The following MTURN variants were observed in gnomAD, a reference collection of about 807,000 sequenced individuals.
MTURN encodes maturin.
MTURN carries 7 observed loss-of-function variants against 14.9 expected under a neutral mutation model. The observed-to-expected ratio is 0.47, with a 90% CI of 0.27 to 0.88. The LOEUF (loss-of-function observed/expected upper bound fraction) is 0.88. Ranked by LOEUF, MTURN falls within the 40% of genes least tolerant of loss-of-function variation. The pLI, the probability that MTURN is intolerant of heterozygous loss-of-function variation, is 0.14. For synonymous variants in MTURN, 69 were observed against 72.5 expected (o/e 0.95, Z 0.25); for missense variants, 151 against 174.1 (o/e 0.87, Z 0.75).
rs1278988242 is a variant in MTURN at position 30,159,087 on chromosome 7, A to C, written c.*1539A>C. On this transcript the variant is annotated 3_prime_UTR_variant, in exon 3 of 3. Coordinates refer to ENST00000324453, the MANE Select transcript of MTURN (RefSeq NM_152793.3). ...GGTAAAACAGCGTACTCCAGTTTTA[A>C]GTCATCGGGTAAAATAATAGGACAG... 6.6e-6 allele frequency: 1 copy of C among 152,238 alleles called. No homozygotes were observed. The highest frequency in any genetic ancestry group is 6.5e-5 in the Admixed American group (1 of 15,288). The allele number at this position is 152,238 out of a possible 1,614,324, so 9.4% of individuals were successfully genotyped here. A position where few individuals can be genotyped will look rare whatever the true frequency, so the allele number is the denominator to read the frequency against.
At chr7:30,136,308 G>T (rs1402315696) in intron 1 of MTURN, among the ~76,000 whole-genome samples, 7 of 152,160 alleles carry the variant, frequency 4.6e-5, no homozygotes, top group Non-Finnish European at 1.0e-4. Context: ...GGGGAGTCGG[G>T]GTGGGAGGGG....
At chr7:30,153,025 A>G (rs1355500039) in intron 2 of MTURN, among the ~76,000 whole-genome samples, 1 of 152,236 alleles carries the variant, frequency 6.6e-6, no homozygotes, top group Non-Finnish European at 1.5e-5. Flanking sequence ...AGCTGAAAAA[A>G]AATTCACTGA....
chr7:30,144,982 C>T (rs1250585045), intron 1 of MTURN, among the ~76,000 whole-genome samples: 1 of 147,552 alleles, frequency 6.8e-6, no homozygotes, highest in Non-Finnish European at 1.5e-5. Context: ...GGATCCGTCC[C>T]CACTAAAGAG....
Position 30,146,256 on chromosome 7 carries a change from C to A in MTURN, c.242C>A (p.Thr81Lys), listed in dbSNP as rs781564824. 2 of 1,613,964 alleles carry A rather than the reference C, an allele frequency of 1.2e-6. No individual in the cohort carries two copies. Among genetic ancestry groups the A allele is most frequent in the South Asian group, 2.2e-5 (2 of 91,092 alleles). The change falls in exon 2 of 3, where the codon ACG (threonine) becomes AAG (lysine). Residue 81 changes from threonine to lysine, a missense_variant. Physicochemically the swap from Thr to Lys is moderately conservative, Grantham distance 78 (BLOSUM62 -1). Transcript: ENST00000324453. Reference sequence around the variant, plus strand: ...TACATCTCCTCCTGCGGCAAGAAGACGCTCCACGAAGTCCTGGAAAAAGTC... The same window carrying A: ...TACATCTCCTCCTGCGGCAAGAAGAAGCTCCACGAAGTCCTGGAAAAAGTC... ...QDYISSCGKK[T>K]LHEVLEKVFK...
chr7:30,137,497 A>G (rs1452217117), intron 1 of MTURN: 1 of 423,154 alleles, frequency 2.4e-6, no homozygotes, highest in Non-Finnish European at 4.9e-6. Flanking sequence ...ATATTTTCCC[A>G]TCTGCATGAG....
At position 30,146,306 on chromosome 7, in the gene MTURN, G is replaced by A. The variant is rs759499103; in HGVS notation, c.285+7G>A. ...CTTCAAGTCTTTCAGACCTGTAGGT[G>A]CCTGCTTGGCTTCTCACCACAGCTT... On this transcript the variant is annotated splice_region_variant and intron_variant, in intron 2 of 2. Transcript: ENST00000324453. 6.2e-7 allele frequency: 1 copy of A among 1,613,706 alleles called. No homozygotes were observed.
intron 1 of MTURN, chr7:30,137,368 G>A (rs1796980544): frequency 9.4e-6 from 3 of 319,844 alleles, no homozygotes; most frequent in South Asian, 5.3e-5. Context: ...CAGTAAGTGG[G>A]CCAGGAAGAC....
chr7:30,142,177 G>A (rs1372599963), intron 1 of MTURN, among the ~76,000 whole-genome samples: 2 of 152,194 alleles, frequency 1.3e-5, no homozygotes, highest in South Asian at 2.1e-4. Flanking sequence ...CCTATTTGCA[G>A]GTGACATAGT....
Position 30,135,070 on chromosome 7 carries a change from C to G in MTURN, c.-67C>G. The G allele has an allele frequency of 8.1e-7, 1 of 1,233,318 alleles. No individual in the cohort carries two copies. The highest frequency in any genetic ancestry group is 2.2e-5 in the South Asian group (1 of 46,154). The allele number at this position is 1,233,318 out of a possible 1,614,324, so 76.4% of individuals were successfully genotyped here. ...CAGGCCGAGCCGAGCGCCGCGCTGC[C>G]CGCCCGGGAGGAGGGCGCCTAGGAG... On this transcript the variant is annotated 5_prime_UTR_variant, in exon 1 of 3. Coordinates refer to ENST00000324453, the MANE Select transcript of MTURN (RefSeq NM_152793.3).
Position 30,159,501 on chromosome 7 carries a change from T to C in MTURN, c.*1953T>C, listed in dbSNP as rs1260591714. 1 of 152,648 alleles carries C rather than the reference T, an allele frequency of 6.6e-6. No individual in the cohort carries two copies. Among genetic ancestry groups the C allele is most frequent in the Non-Finnish European group, 1.5e-5 (1 of 68,042 alleles). 9.5% of individuals were successfully genotyped at this position (152,648 alleles called of 1,614,324 possible). ...AATTTATGTATGTTTGGAAATGGAA[T>C]GGACATTAACATAAAATGTATTTTA... is the stretch of plus-strand genomic sequence containing the variant. On this transcript the variant is annotated 3_prime_UTR_variant, in exon 3 of 3. Coordinates refer to ENST00000324453, the MANE Select transcript of MTURN (RefSeq NM_152793.3).
Position 30,157,434 on chromosome 7 carries a change from G to A in MTURN, c.286-4G>A. 1 of 1,591,020 alleles carries A rather than the reference G, an allele frequency of 6.3e-7. No individual in the cohort carries two copies. The highest frequency in any genetic ancestry group is 1.1e-5 in the South Asian group (1 of 87,714). On this transcript the variant is annotated splice_polypyrimidine_tract_variant and splice_region_variant and intron_variant, in intron 2 of 2. Transcript: ENST00000324453. The stretch of plus-strand genomic sequence containing the variant: ...GCTGCTTTTCTCTTGTTCTCTCCCT[G>A]TAGTTACTGGGGCTTCCGGATGCAG...
At chr7:30,148,867 C>T (rs1797166227) in intron 2 of MTURN, among the ~76,000 whole-genome samples, 1 of 152,172 alleles carries the variant, frequency 6.6e-6, no homozygotes, top group Non-Finnish European at 1.5e-5. Flanking sequence ...GAAGGGAGAT[C>T]ACATTAGGCA....
Position 30,161,168 on chromosome 7 carries a change from T to A in MTURN, c.*3620T>A, listed in dbSNP as rs1461366360. On this transcript the variant is annotated 3_prime_UTR_variant, in exon 3 of 3. Transcript: ENST00000324453. ...GGCTTTGCATGTTAAAATTCACAAG[T>A]TGGGAAACTGGTATGAACAGATCTG... The A allele has an allele frequency of 6.6e-6, 1 of 152,578 alleles. No homozygotes were observed. Among genetic ancestry groups the A allele is most frequent in the Non-Finnish European group, 1.5e-5 (1 of 68,032 alleles). The allele number at this position is 152,578 out of a possible 1,614,324, so 9.5% of individuals were successfully genotyped here. A position where few individuals can be genotyped will look rare whatever the true frequency, so the allele number is the denominator to read the frequency against.
At chr7:30,149,015 G>A (rs1166535495) in intron 2 of MTURN, among the ~76,000 whole-genome samples, 1 of 152,144 alleles carries the variant, frequency 6.6e-6, no homozygotes, top group Admixed American at 6.5e-5. Context: ...GGTGTCGTCT[G>A]TGGTGGCAGG....
At chr7:30,143,585 G>A (rs899986941) in intron 1 of MTURN, among the ~76,000 whole-genome samples, 17 of 152,156 alleles carry the variant, frequency 1.1e-4, no homozygotes, top group African/African-American at 4.1e-4. Flanking sequence ...ACTCTATCAT[G>A]TGGACAAGGA....
intron 1 of MTURN, among the ~76,000 whole-genome samples, chr7:30,136,073 C>A (rs773964981): frequency 2.3e-4 from 35 of 152,242 alleles, no homozygotes; most frequent in Non-Finnish European, 4.4e-4. Context: ...CGCTGCCTCT[C>A]TGAGCTGCCC....
intron 2 of MTURN, among the ~76,000 whole-genome samples, chr7:30,147,475 G>GGTGTGGGCCT (rs1797146185): frequency 1.3e-5 from 2 of 152,172 alleles, no homozygotes; most frequent in African/African-American, 4.8e-5. Flanking sequence ...TCGTTCTGAG[G>GGTGTGGGCCT]GTGTGGGCCT....
intron 1 of MTURN, chr7:30,137,824 A>C (rs1213050876): frequency 5.5e-6 from 2 of 362,632 alleles, no homozygotes; most frequent in Non-Finnish European, 1.1e-5. Flanking sequence ...AGGACTTAGC[A>C]ATAAGAATGT....
chr7:30,157,339 T>TTAAG (rs1797302597), intron 2 of MTURN, 99 bp from the exon 3 acceptor site: 1 of 930,068 alleles, frequency 1.1e-6, no homozygotes, highest in East Asian at 3.0e-5. Context: ...AGCTGCTGGG[T>TTAAG]TAAGTACTCT....
Sources: gnomAD v4.1 joint callset for allele counts (sites outside exome capture counted in the v4.1 genomes callset) on GRCh38, gnomAD v4.1.1 for gene constraint, MANE v1.5 for transcripts, NCBI Gene and HGNC (gene_info 2026-07-23, HGNC 2026-07-21) for gene names.